The following RUNX1 variants were observed in gnomAD, a reference collection of about 807,000 sequenced individuals.
The protein encoded by RUNX1 is RUNX family transcription factor 1, also known as runt-related transcription factor 1.
Under a neutral mutation model 42.8 loss-of-function variants are expected in RUNX1, and 19 were observed. The ratio of observed to expected loss-of-function variants is 0.44; its 90% CI spans 0.31 to 0.65. The LOEUF (loss-of-function observed/expected upper bound fraction) is 0.65, where lower values mean the gene tolerates loss of function less well. Among genes scored for constraint, RUNX1 ranks in the 30% least tolerant of loss-of-function variants. RUNX1 has a pLI of 0.07. For missense variants in RUNX1, 528 were observed against 672.0 expected (o/e 0.79, Z 2.37); for synonymous variants, 271 against 289.4 (o/e 0.94, Z 0.64).
intron 2 of RUNX1, among the ~76,000 whole-genome samples, chr21:35,030,911 C>A (rs986555274): frequency 1.3e-5 from 2 of 151,970 alleles, no homozygotes; most frequent in African/African-American, 4.8e-5. Flanking sequence ...AAAAACTGGG[C>A]AAAGGACCTG....
At chr21:34,903,903 G>C (rs1033662294) in intron 2 of RUNX1, among the ~76,000 whole-genome samples, 1 of 151,920 alleles carries the variant, frequency 6.6e-6, no homozygotes, top group Non-Finnish European at 1.5e-5. Context: ...AACAATAGAA[G>C]TAATAATCCT....
At chr21:34,989,844 C>G (rs8129389) in intron 2 of RUNX1, among the ~76,000 whole-genome samples, 37,472 of 152,096 alleles carry the variant, frequency 0.25, 6,774 homozygotes, top group African/African-American at 0.51. Context: ...TCTGCAGGCC[C>G]TAGAGACTCC....
intron 2 of RUNX1, among the ~76,000 whole-genome samples, chr21:35,044,035 C>G (rs9983044): frequency 0.061 from 9,310 of 152,310 alleles, 362 homozygotes; most frequent in East Asian, 0.2. Flanking sequence ...GCATGACATC[C>G]TGCCCCAACT....
rs10154236 is a variant in RUNX1, at chr21:35,040,785, A to C, written c.58+8057T>G. 2.8e-3 allele frequency among the ~76,000 whole-genome samples: 428 copies of C among 151,014 alleles called. 1 individual carries two copies. Among genetic ancestry groups the C allele is most frequent in the African/African-American group, 9.6e-3 (397 of 41,254 alleles). Reference sequence around the variant, plus strand: ...TAGACTCCATCCAAAAAAAAAAAAAAAAAAAAAAACCAACAACAAAAACTC... The same window carrying C: ...TAGACTCCATCCAAAAAAAAAAAAACAAAAAAAAACCAACAACAAAAACTC... On this transcript the variant is annotated intron_variant, in intron 2 of 8. Transcript: ENST00000675419.
intron 5 of RUNX1, among the ~76,000 whole-genome samples, chr21:34,875,285 A>G (rs992942889): frequency 3.3e-5 from 5 of 152,220 alleles, no homozygotes; most frequent in African/African-American, 1.2e-4. Flanking sequence ...CAAATGTGAA[A>G]CCGAAATGAG....
chr21:34,815,725 A>G (rs2056816287), intron 7 of RUNX1, among the ~76,000 whole-genome samples: 1 of 152,156 alleles, frequency 6.6e-6, no homozygotes, highest in Non-Finnish European at 1.5e-5. Context: ...AGTGGTAGGT[A>G]AATCATGCAC....
Position 34,881,962 on chromosome 21 carries a change from C to A in RUNX1, c.352-1249G>T, listed in dbSNP as rs184886513. On this transcript the variant is annotated intron_variant, in intron 4 of 8. Coordinates refer to ENST00000675419, the MANE Select transcript of RUNX1 (RefSeq NM_001754.5). The stretch of plus-strand genomic sequence containing the variant: ...TTCTGATCATTTCTGACATTCTTTA[C>A]GGTAAAGTCAGTAGTGACATTTATA... Among the ~76,000 whole-genome samples, 54 of 152,290 alleles carry A rather than the reference C, an allele frequency of 3.5e-4. 1 individual carries two copies. Among genetic ancestry groups the A allele is most frequent in the Non-Finnish European group, 6.5e-4 (44 of 68,020 alleles).
intron 2 of RUNX1, among the ~76,000 whole-genome samples, chr21:35,020,862 C>T (rs2059193417): frequency 6.6e-6 from 1 of 152,146 alleles, no homozygotes; most frequent in South Asian, 2.1e-4. Context: ...GTACACTTTG[C>T]TTCTATGGGG....
chr21:35,046,572 G>A (rs1050006159), intron 2 of RUNX1, among the ~76,000 whole-genome samples: 3 of 152,154 alleles, frequency 2.0e-5, no homozygotes, highest in African/African-American at 4.8e-5. Context: ...TTGTTGGCAG[G>A]GATGGTGATT....
chr21:35,047,553 ACACACACACTCTCTCTCTCTCT>A (rs2059407439), intron 2 of RUNX1, among the ~76,000 whole-genome samples: 1 of 90,004 alleles, frequency 1.1e-5, no homozygotes, highest in African/African-American at 5.9e-5. Context: ...ACACACACAC[ACACACACACTCTCTCTCTCTCT>A]CTCTCTCTCT....
chr21:34,935,009 T>C (rs2058474943), intron 2 of RUNX1, among the ~76,000 whole-genome samples: 1 of 152,228 alleles, frequency 6.6e-6, no homozygotes, highest in African/African-American at 2.4e-5. Flanking sequence ...TTTGATTCTG[T>C]CTTTATTCTA....
intron 2 of RUNX1, among the ~76,000 whole-genome samples, chr21:34,903,903 G>A (rs1033662294): frequency 1.3e-5 from 2 of 151,920 alleles, no homozygotes; most frequent in African/African-American, 4.8e-5. Context: ...AACAATAGAA[G>A]TAATAATCCT....
At chr21:34,922,047 C>T (rs2058358184) in intron 2 of RUNX1, among the ~76,000 whole-genome samples, 1 of 152,192 alleles carries the variant, frequency 6.6e-6, no homozygotes, top group Non-Finnish European at 1.5e-5. Flanking sequence ...TTCCAACCCT[C>T]CTGATAGATT....
chr21:34,823,460 T>TTTTTTTTTC (rs1214736427), intron 7 of RUNX1, among the ~76,000 whole-genome samples: 1 of 128,240 alleles, frequency 7.8e-6, no homozygotes, highest in Non-Finnish European at 1.6e-5. Context: ...TTTTTTTTTT[T>TTTTTTTTTC]CAGATGGAGT....
chr21:34,892,288 G>T (rs558102286), intron 3 of RUNX1, among the ~76,000 whole-genome samples: 2 of 152,146 alleles, frequency 1.3e-5, no homozygotes, highest in African/African-American at 4.8e-5. Flanking sequence ...ATCCAGTTTT[G>T]AACATTGGAA....
chr21:34,993,958 A>G (rs1369352919), intron 2 of RUNX1, among the ~76,000 whole-genome samples: 2 of 152,238 alleles, frequency 1.3e-5, no homozygotes, highest in African/African-American at 2.4e-5. Context: ...TTTTCCTAAA[A>G]GCAGATTTTT....
At chr21:35,011,752 A>G (rs899324565) in intron 2 of RUNX1, among the ~76,000 whole-genome samples, 1 of 152,096 alleles carries the variant, frequency 6.6e-6, no homozygotes, top group Non-Finnish European at 1.5e-5. Flanking sequence ...GCTAATTACC[A>G]TTTTGTTTTA....
intron 6 of RUNX1, among the ~76,000 whole-genome samples, chr21:34,850,322 T>G (rs1482140344): frequency 1.3e-5 from 2 of 152,194 alleles, no homozygotes; most frequent in African/African-American, 4.8e-5. Flanking sequence ...GGAGCTGCCT[T>G]GCACACATGG....
At chr21:34,978,463 T>C (rs945470193) in intron 2 of RUNX1, among the ~76,000 whole-genome samples, 6 of 152,190 alleles carry the variant, frequency 3.9e-5, no homozygotes, top group African/African-American at 1.2e-4. Flanking sequence ...AAGCATAATT[T>C]TGATGTGTTA....
Sources: gnomAD v4.1 joint callset for allele counts (sites outside exome capture counted in the v4.1 genomes callset) on GRCh38, gnomAD v4.1.1 for gene constraint, MANE v1.5 for transcripts, NCBI Gene and HGNC (gene_info 2026-07-23, HGNC 2026-07-21) for gene names.